Variants in MCOLN2 observed in about 807,000 individuals in gnomAD.
MCOLN2 encodes mucolipin-2.
In MCOLN2, 57 loss-of-function variants were observed where a neutral mutation model predicts 67.5. That is an observed-to-expected ratio of 0.84 (90% CI 0.68 to 1.05). The LOEUF (loss-of-function observed/expected upper bound fraction) is 1.05, where lower values mean the gene tolerates loss of function less well. Ranked by LOEUF, MCOLN2 falls within the 50% of genes least tolerant of loss-of-function variation. The probability of loss-of-function intolerance (pLI) is 0.00; values close to 1 mark genes in which losing one functional copy is unlikely to be tolerated. For synonymous variants in MCOLN2, 246 were observed against 233.3 expected (o/e 1.05, Z -0.50); for missense variants, 620 against 678.8 (o/e 0.91, Z 0.96).
intron 7 of MCOLN2, among the ~76,000 whole-genome samples, chr1:84,943,562 G>C (rs536637230): frequency 6.6e-6 from 1 of 151,994 alleles, no homozygotes; most frequent in South Asian, 2.1e-4. Flanking sequence ...CCTCTGCAGA[G>C]ACAGCATTGA....
At chr1:84,953,504 T>G (rs924318997) in intron 4 of MCOLN2, among the ~76,000 whole-genome samples, 1 of 149,786 alleles carries the variant, frequency 6.7e-6, no homozygotes, top group Non-Finnish European at 1.5e-5. Flanking sequence ...GAGCCAAGAT[T>G]GCGCCACTGC....
At chr1:84,933,802 A>G (rs41462947) in intron 11 of MCOLN2, among the ~76,000 whole-genome samples, 2,457 of 152,322 alleles carry the variant, frequency 0.016, 73 homozygotes, top group African/African-American at 0.056. Context: ...CTGTTTAGTT[A>G]CTTACCAGGC....
At chr1:84,947,696 C>G (rs182124045) in intron 6 of MCOLN2, among the ~76,000 whole-genome samples, 2 of 152,214 alleles carry the variant, frequency 1.3e-5, no homozygotes, top group South Asian at 2.1e-4. Flanking sequence ...GCACACATTG[C>G]GCACTCTTCA....
In MCOLN2 at chr1:84,952,455, T is replaced by C; in HGVS notation, c.641A>G (p.Glu214Gly). 6.2e-7 allele frequency: 1 copy of C among 1,611,812 alleles called. No homozygotes were observed. Among genetic ancestry groups the C allele is most frequent in the Non-Finnish European group, 8.5e-7 (1 of 1,177,920 alleles). The stretch of plus-strand genomic sequence containing the variant: ...TTTAAAATGTATTTACCGATAAAAT[T>C]CCAGTCTGAAGAATGATGAGTTCTT... ...DWKNSSFFRLEFYRLLQVEIS... is the reference protein window; with the variant it reads ...DWKNSSFFRLGFYRLLQVEIS... Residue 214 changes from glutamate to glycine, a missense_variant, in exon 5 of 14, where the codon GAA becomes GGA. Transcript: ENST00000370608.
chr1:84,962,324 C>T (rs1426397524), intron 2 of MCOLN2, among the ~76,000 whole-genome samples: 3 of 152,138 alleles, frequency 2.0e-5, no homozygotes. Context: ...GGTGAGAGGA[C>T]TGTTTGAAGC....
chr1:84,979,448 C>T (rs1393714584), intron 1 of MCOLN2, among the ~76,000 whole-genome samples: 1 of 152,116 alleles, frequency 6.6e-6, no homozygotes, highest in Non-Finnish European at 1.5e-5. Context: ...AAACCAAATT[C>T]AACAACACAT....
chr1:84,982,589 T>C (rs971630149), intron 1 of MCOLN2, among the ~76,000 whole-genome samples: 1 of 152,242 alleles, frequency 6.6e-6, no homozygotes, highest in African/African-American at 2.4e-5. Flanking sequence ...GAACAAGTTA[T>C]AAAAAATATT....
intron 2 of MCOLN2, among the ~76,000 whole-genome samples, 182 bp from the exon 3 acceptor site, chr1:84,958,884 T>G (rs1339709671): frequency 6.6e-6 from 1 of 152,174 alleles, no homozygotes; most frequent in African/African-American, 2.4e-5. Context: ...CTCATCAAGC[T>G]ACATCAGCAA....
chr1:84,932,911 C>T (rs1647246646), intron 11 of MCOLN2, among the ~76,000 whole-genome samples: 1 of 152,162 alleles, frequency 6.6e-6, no homozygotes, highest in African/African-American at 2.4e-5. Flanking sequence ...GTCATTTCTC[C>T]CTTGTGAGAT....
chr1:84,934,475 A>C (rs555862417), intron 11 of MCOLN2, among the ~76,000 whole-genome samples: 99 of 152,318 alleles, frequency 6.5e-4, no homozygotes, highest in Admixed American at 1.2e-3. Context: ...ATTTGCTTTA[A>C]GAGCTGGTGC....
chr1:84,968,941 A>G (rs193006706), intron 1 of MCOLN2, among the ~76,000 whole-genome samples: 19 of 152,282 alleles, frequency 1.2e-4, no homozygotes, highest in Non-Finnish European at 2.2e-4. Context: ...GCAGTCTATT[A>G]GTGTTTGTTC....
rs527554825 is a variant in MCOLN2 at position 84,925,819 on chromosome 1, G to A, written c.*866C>T. The A allele has an allele frequency of 1.3e-5, 2 of 151,946 alleles. No individual in the cohort carries two copies. The highest frequency in any genetic ancestry group is 4.2e-4 in the South Asian group (2 of 4,806). 9.4% of individuals were successfully genotyped at this position (151,946 alleles called of 1,614,324 possible). Reference sequence around the variant, plus strand: ...AACAGTTGCTTCATATCATGCTGAAGAAAACCCACAGGAAAACAGGCCAAG... The same window carrying A: ...AACAGTTGCTTCATATCATGCTGAAAAAAACCCACAGGAAAACAGGCCAAG... On this transcript the variant is annotated 3_prime_UTR_variant, in exon 14 of 14. Coordinates refer to ENST00000370608, the MANE Select transcript of MCOLN2 (RefSeq NM_153259.4).
intron 2 of MCOLN2, among the ~76,000 whole-genome samples, chr1:84,959,600 C>G (rs1001437967): frequency 2.6e-5 from 4 of 152,172 alleles, no homozygotes; most frequent in Non-Finnish European, 4.4e-5. Flanking sequence ...TCCTCTCTGT[C>G]TCTCTCACAT....
intron 3 of MCOLN2, 35 bp downstream of exon 3, chr1:84,958,494 G>A (rs754454324): frequency 3.2e-5 from 48 of 1,511,524 alleles, no homozygotes; most frequent in Non-Finnish European, 4.2e-5. Flanking sequence ...TCAATACATT[G>A]TTAAAGTATA....
chr1:84,955,843 C>T (rs1278041329), intron 4 of MCOLN2, among the ~76,000 whole-genome samples: 1 of 151,908 alleles, frequency 6.6e-6, no homozygotes, highest in Non-Finnish European at 1.5e-5. Context: ...GAGTGAACAA[C>T]AAAACAATAA....
At chr1:84,978,666 T>G (rs1650109800) in intron 1 of MCOLN2, among the ~76,000 whole-genome samples, 1 of 152,082 alleles carries the variant, frequency 6.6e-6, no homozygotes, top group Non-Finnish European at 1.5e-5. Context: ...AAAACCTGAA[T>G]AGACCAATAA....
intron 2 of MCOLN2, 75 bp from the exon 3 acceptor site, chr1:84,958,777 T>G (rs1648926901): frequency 4.5e-6 from 5 of 1,122,586 alleles, no homozygotes; most frequent in Non-Finnish European, 6.2e-6. Flanking sequence ...CTCACTATCA[T>G]CAACCATTAC....
chr1:84,946,524 C>G (rs1420252308), intron 7 of MCOLN2, among the ~76,000 whole-genome samples: 1 of 152,140 alleles, frequency 6.6e-6, no homozygotes, highest in African/African-American at 2.4e-5. Flanking sequence ...TTTTGGAATA[C>G]TTGCATTATA....
chr1:84,982,317 A>C (rs192196900), intron 1 of MCOLN2, among the ~76,000 whole-genome samples: 1 of 152,332 alleles, frequency 6.6e-6, no homozygotes, highest in Admixed American at 6.5e-5. Flanking sequence ...AAAATAAAAA[A>C]ATAGAGATGG....
Sources: allele counts gnomAD v4.1 joint callset (sites outside exome capture counted in the v4.1 genomes callset), GRCh38; gene constraint gnomAD v4.1.1; transcripts MANE v1.5; gene names NCBI Gene and HGNC (gene_info 2026-07-23, HGNC 2026-07-21).